The following FGF14 variants were observed in gnomAD, a reference collection of about 807,000 sequenced individuals.
FGF14 encodes the protein fibroblast growth factor 14, also known as fibroblast growth factor homologous factor 4.
In FGF14, 5 loss-of-function variants were observed where a neutral mutation model predicts 25.5. The ratio of observed to expected loss-of-function variants is 0.20; its 90% CI spans 0.10 to 0.41. The LOEUF (loss-of-function observed/expected upper bound fraction) is 0.41, where lower values mean the gene tolerates loss of function less well. Ranked by LOEUF, FGF14 falls within the 10% of genes least tolerant of loss-of-function variation. FGF14 has a pLI of 1.00. For synonymous variants in FGF14, 138 were observed against 118.3 expected (o/e 1.17, Z -1.08); for missense variants, 222 against 320.1 (o/e 0.69, Z 2.34).
intron 1 of FGF14, among the ~76,000 whole-genome samples, chr13:102,200,457 A>G (rs1233764329): frequency 1.3e-5 from 2 of 152,190 alleles, no homozygotes; most frequent in Non-Finnish European, 1.5e-5. Context: ...ACAGTGCTAT[A>G]CACCATAAAA....
At chr13:102,368,015 G>A (rs1594964221) in intron 1 of FGF14, 1 of 152,198 alleles carries the variant, frequency 6.6e-6, no homozygotes, top group African/African-American at 2.4e-5. Flanking sequence ...ATTCCAGGGA[G>A]TGTGACCGCA....
chr13:102,167,708 G>C (rs1461567683), intron 1 of FGF14, among the ~76,000 whole-genome samples: 18 of 151,786 alleles, frequency 1.2e-4, no homozygotes, highest in Admixed American at 1.2e-3. Context: ...GTATACAAGT[G>C]GGATTTTTTA....
chr13:101,929,210 C>T (rs1456196972), intron 1 of FGF14, among the ~76,000 whole-genome samples: 1 of 152,052 alleles, frequency 6.6e-6, no homozygotes, highest in East Asian at 1.9e-4. Context: ...GAAGCACGTG[C>T]AAGAACAGTG....
At chr13:102,280,648 G>A (rs1056711076) in intron 1 of FGF14, among the ~76,000 whole-genome samples, 26 of 152,190 alleles carry the variant, frequency 1.7e-4, no homozygotes, top group African/African-American at 5.3e-4. Flanking sequence ...CAAACCTTCA[G>A]TGAAGCCATT....
At chr13:102,026,182 A>G (rs1679018247) in intron 1 of FGF14, among the ~76,000 whole-genome samples, 1 of 151,862 alleles carries the variant, frequency 6.6e-6, no homozygotes, top group African/African-American at 2.4e-5. Flanking sequence ...CTTTTTCTTC[A>G]TTGATTGAGA....
chr13:102,259,235 G>A (rs2141108044), intron 1 of FGF14, among the ~76,000 whole-genome samples: 1 of 152,206 alleles, frequency 6.6e-6, no homozygotes, highest in African/African-American at 2.4e-5. Flanking sequence ...CCAGGTCCAT[G>A]CCCACCACTC....
At chr13:102,191,797 T>G (rs1195233808) in intron 1 of FGF14, among the ~76,000 whole-genome samples, 1 of 152,158 alleles carries the variant, frequency 6.6e-6, no homozygotes, top group African/African-American at 2.4e-5. Context: ...AAATCAAAAT[T>G]ATTCTCCAGC....
chr13:102,356,022 C>A (rs1429516685), intron 1 of FGF14, among the ~76,000 whole-genome samples: 1 of 152,074 alleles, frequency 6.6e-6, no homozygotes, highest in African/African-American at 2.4e-5. Flanking sequence ...AATTTAATTG[C>A]CATTTAGAAG....
rs552929672 is a variant in FGF14, at chr13:102,013,611, T to C, written c.209-138315A>G. Among the ~76,000 whole-genome samples the C allele has an allele frequency of 1.4e-4, 21 of 152,300 alleles. 1 individual carries two copies. The highest frequency in any genetic ancestry group is 5.9e-4 in the Admixed American group (9 of 15,294). On this transcript the variant is annotated intron_variant, in intron 1 of 4. Coordinates refer to the FGF14 transcript ENST00000376131. ...TGCAATTCTTGAATAACAGAATCCA[T>C]TGGCTGCACAATTTGACAATTTAAA...
At chr13:101,962,466 T>C (rs189620559) in intron 1 of FGF14, among the ~76,000 whole-genome samples, 2 of 152,288 alleles carry the variant, frequency 1.3e-5, no homozygotes, top group Non-Finnish European at 2.9e-5. Flanking sequence ...TTAGGAAATG[T>C]AAACTGAATT....
At chr13:101,820,778 CCACACACACACA>C (rs869232661) in intron 3 of FGF14, among the ~76,000 whole-genome samples, 1 of 28,496 alleles carries the variant, frequency 3.5e-5, no homozygotes, top group Non-Finnish European at 1.1e-4. Flanking sequence ...ACACCACACA[CCACACACACACA>C]CACACACACA....
chr13:101,901,432 G>A (rs950095326), intron 1 of FGF14, among the ~76,000 whole-genome samples: 16 of 152,234 alleles, frequency 1.1e-4, no homozygotes, highest in African/African-American at 2.4e-4. Context: ...GATGGGATGC[G>A]GTGGCTCATG....
At chr13:101,981,997 A>T (rs139093590) in intron 1 of FGF14, among the ~76,000 whole-genome samples, 1 of 152,304 alleles carries the variant, frequency 6.6e-6, no homozygotes, top group East Asian at 1.9e-4. Context: ...TAAATGATGT[A>T]GCCTAGTTAA....
At chr13:101,915,843 G>A (rs946466511) in intron 1 of FGF14, among the ~76,000 whole-genome samples, 6 of 152,232 alleles carry the variant, frequency 3.9e-5, no homozygotes, top group Non-Finnish European at 8.8e-5. Context: ...GGATTTGACT[G>A]AAGGGCTGCA....
At chr13:101,827,735 A>G (rs1320498766) in intron 3 of FGF14, among the ~76,000 whole-genome samples, 1 of 151,902 alleles carries the variant, frequency 6.6e-6, no homozygotes, top group Non-Finnish European at 1.5e-5. Flanking sequence ...ATTATGAAAC[A>G]TTACATTAAT....
intron 1 of FGF14, among the ~76,000 whole-genome samples, chr13:102,217,528 T>C (rs1388711468): frequency 6.6e-6 from 1 of 152,162 alleles, no homozygotes; most frequent in African/African-American, 2.4e-5. Context: ...ACAAATGAGA[T>C]GAATAGGCAT....
chr13:101,804,792 A>T (rs982564992), intron 3 of FGF14, among the ~76,000 whole-genome samples: 1 of 152,152 alleles, frequency 6.6e-6, no homozygotes, highest in Admixed American at 6.6e-5. Context: ...CTTTTGTTTT[A>T]CTTGACAGTT....
intron 1 of FGF14, among the ~76,000 whole-genome samples, chr13:101,928,643 T>C (rs750517290): frequency 1.3e-5 from 2 of 152,274 alleles, no homozygotes; most frequent in East Asian, 1.9e-4. Flanking sequence ...CCCATTTTAC[T>C]GATCAACACA....
intron 1 of FGF14, among the ~76,000 whole-genome samples, chr13:102,097,870 T>A (rs1272883841): frequency 6.6e-6 from 1 of 152,138 alleles, no homozygotes; most frequent in South Asian, 2.1e-4. Flanking sequence ...CTGATATCTG[T>A]GAGAGCACAT....
Sources: allele counts gnomAD v4.1 joint callset (sites outside exome capture counted in the v4.1 genomes callset), GRCh38; gene constraint gnomAD v4.1.1; transcripts MANE v1.5; gene names NCBI Gene and HGNC (gene_info 2026-07-23, HGNC 2026-07-21).